FAM240B: variants seen among roughly 807,000 people sequenced by gnomAD.
FAM240B encodes family with sequence similarity 240 member B.
At chr9:38,707,009 A>C (rs2119006903) in intron 1 of FAM240B, among the ~76,000 whole-genome samples, 1 of 152,368 alleles carries the variant, frequency 6.6e-6, no homozygotes, top group East Asian at 1.9e-4. Context: ...AGTTCAAGAT[A>C]AGAAGACAGT....
chr9:38,694,739 C>T lies in FAM240B; in HGVS notation c.*37G>A. On this transcript the variant is annotated 3_prime_UTR_variant, in exon 3 of 3. Coordinates refer to ENST00000637493, the MANE Select transcript of FAM240B (RefSeq NM_001394922.1). ...AGTTTTTTTCCCCTAGAAAAGTGGTCGCTTGCTATCTTTGAAGTCGGTGAG... is the reference window on the plus strand; with the variant it reads ...AGTTTTTTTCCCCTAGAAAAGTGGTTGCTTGCTATCTTTGAAGTCGGTGAG... The T allele has an allele frequency of 2.5e-6, 1 of 398,458 alleles. No homozygotes were observed. Among genetic ancestry groups the T allele is most frequent in the Non-Finnish European group, 4.4e-6 (1 of 226,040 alleles). 24.7% of individuals were successfully genotyped at this position (398,458 alleles called of 1,614,324 possible).
chr9:38,695,098 A>C (rs1563998346), intron 2 of FAM240B, among the ~76,000 whole-genome samples: 1 of 152,174 alleles, frequency 6.6e-6, no homozygotes. Context: ...ATTAGGACAA[A>C]TACCTAATGC....
At chr9:38,694,983 GTGTTCCCC>G (rs1821052317) in intron 2 of FAM240B, 114 bp from the exon 3 acceptor site, 1 of 396,006 alleles carries the variant, frequency 2.5e-6, no homozygotes, top group South Asian at 1.4e-4. Context: ...AACCCATTGT[GTGTTCCCC>G]TCCCTGTGTC....
chr9:38,717,368 C>T (rs1264564673), intron 1 of FAM240B, among the ~76,000 whole-genome samples: 5 of 152,078 alleles, frequency 3.3e-5, no homozygotes, highest in African/African-American at 1.2e-4. Context: ...ATCACGAGGT[C>T]AGGAGATCGA....
In FAM240B at chr9:38,712,900, G is replaced by A. The variant is rs115302596; in HGVS notation, c.-4+7122C>T. ...AAAAGTCCTGTCTTCACCCCCCACA[G>A]TTTGAGCCACTTCCCTCCTTCATTT... On this transcript the variant is annotated intron_variant, in intron 1 of 2. Transcript: ENST00000637493. 7.0e-3 allele frequency among the ~76,000 whole-genome samples: 1,063 copies of A among 152,242 alleles called. 17 individuals are homozygous for A. Among genetic ancestry groups the A allele is most frequent in the African/African-American group, 0.025 (1,023 of 41,518 alleles).
intron 1 of FAM240B, among the ~76,000 whole-genome samples, chr9:38,718,504 A>G (rs747938734): frequency 5.9e-5 from 9 of 152,318 alleles, no homozygotes; most frequent in Non-Finnish European, 8.8e-5. Context: ...ACTCAGGAGA[A>G]CATATCTGAA....
chr9:38,703,984 T>G lies in FAM240B; in HGVS notation c.16A>C (p.Ile6Leu). Residue 6 changes from isoleucine (I) to leucine (L), a missense_variant, in exon 2 of 3, where the codon ATC becomes CTC. Transcript: ENST00000637493. ...CCACAGCAGAAGACTTCTCGACGGA[T>G]GTATTGATTGTTCATCCCCTGAAAT... MNNQY[I>L]RREVFCCGTC... 2.5e-6 allele frequency: 1 copy of G among 400,288 alleles called. No individual in the cohort carries two copies. Among genetic ancestry groups the G allele is most frequent in the Non-Finnish European group, 4.4e-6 (1 of 226,078 alleles). 24.8% of individuals were successfully genotyped at this position (400,288 alleles called of 1,614,324 possible).
At chr9:38,707,255 A>G (rs899008642) in intron 1 of FAM240B, among the ~76,000 whole-genome samples, 4 of 152,166 alleles carry the variant, frequency 2.6e-5, no homozygotes, top group African/African-American at 4.8e-5. Flanking sequence ...ATTTTATTCT[A>G]AAGAAATTCA....
At chr9:38,698,570 C>A (rs566839441) in intron 2 of FAM240B, among the ~76,000 whole-genome samples, 1 of 152,274 alleles carries the variant, frequency 6.6e-6, no homozygotes, top group East Asian at 1.9e-4. Context: ...CTCCAGAGAG[C>A]CAGGTAAACA....
chr9:38,716,079 C>G lies in FAM240B; in HGVS notation c.-4+3943G>C, dbSNP rs12336882. ...CCTCTATGCCTGTTTGGATTGGGAC[C>G]AGGAGCCGAGGCAGGTCTCTTTTCT... On this transcript the variant is annotated intron_variant, in intron 1 of 2. Coordinates refer to ENST00000637493, the MANE Select transcript of FAM240B (RefSeq NM_001394922.1). 7.1e-3 allele frequency among the ~76,000 whole-genome samples: 1,081 copies of G among 152,222 alleles called. 13 individuals carry two copies. The highest frequency in any genetic ancestry group is 0.024 in the African/African-American group (1,013 of 41,518).
intron 1 of FAM240B, among the ~76,000 whole-genome samples, chr9:38,708,011 G>C (rs1359049928): frequency 6.6e-6 from 1 of 152,060 alleles, no homozygotes; most frequent in Non-Finnish European, 1.5e-5. Context: ...GCATCCCAAA[G>C]GACTGAAGCC....
At chr9:38,703,149 C>T (rs978471276) in intron 2 of FAM240B, among the ~76,000 whole-genome samples, 1 of 152,140 alleles carries the variant, frequency 6.6e-6, no homozygotes, top group African/African-American at 2.4e-5. Context: ...TGGAAAAACC[C>T]TGGTATACTC....
intron 2 of FAM240B, among the ~76,000 whole-genome samples, chr9:38,697,076 T>C (rs891008765): frequency 2.0e-5 from 3 of 152,142 alleles, no homozygotes; most frequent in African/African-American, 7.2e-5. Context: ...AGCTCACTAA[T>C]AAGGGCTGCT....
intron 1 of FAM240B, among the ~76,000 whole-genome samples, chr9:38,708,141 A>G (rs1821211934): frequency 6.6e-6 from 1 of 152,194 alleles, no homozygotes; most frequent in Non-Finnish European, 1.5e-5. Flanking sequence ...ATGCAGTCAG[A>G]GGGCTACCTA....
chr9:38,715,696 C>T (rs1821297168), intron 1 of FAM240B, among the ~76,000 whole-genome samples: 1 of 152,214 alleles, frequency 6.6e-6, no homozygotes, highest in Non-Finnish European at 1.5e-5. Context: ...ACAGACATTT[C>T]AAAGCTCTGT....
At chr9:38,707,982 C>A (rs568346950) in intron 1 of FAM240B, among the ~76,000 whole-genome samples, 1 of 152,036 alleles carries the variant, frequency 6.6e-6, no homozygotes, top group Admixed American at 6.6e-5. Flanking sequence ...TGAACTCAGA[C>A]GTCTTCAGGG....
intron 2 of FAM240B, among the ~76,000 whole-genome samples, chr9:38,695,273 C>A (rs565752006): frequency 3.3e-5 from 5 of 152,372 alleles, no homozygotes; most frequent in Non-Finnish European, 4.4e-5. Context: ...AATCCCAGCA[C>A]TTTGGGAGGC....
At chr9:38,705,138 T>A (rs1283377617) in intron 1 of FAM240B, among the ~76,000 whole-genome samples, 1 of 152,248 alleles carries the variant, frequency 6.6e-6, no homozygotes, top group Non-Finnish European at 1.5e-5. Flanking sequence ...CCCTGCCTGC[T>A]GGCAGCTCCT....
chr9:38,704,230 A>G (rs1018934368), intron 1 of FAM240B, among the ~76,000 whole-genome samples: 2 of 151,984 alleles, frequency 1.3e-5, no homozygotes, highest in Non-Finnish European at 2.9e-5. Flanking sequence ...ATTTTGAATT[A>G]GACAAAACCA....
Sources: allele counts gnomAD v4.1 joint callset (sites outside exome capture counted in the v4.1 genomes callset), GRCh38; gene constraint gnomAD v4.1.1; transcripts MANE v1.5; gene names NCBI Gene and HGNC (gene_info 2026-07-23, HGNC 2026-07-21).